Variants in ZNF704 observed in about 807,000 individuals in gnomAD.
ZNF704 encodes zinc finger protein 704.
A neutral mutation model predicts 44.7 loss-of-function variants in ZNF704; 10 were observed. That is an observed-to-expected ratio of 0.22 (90% CI 0.14 to 0.38). ZNF704 has a LOEUF of 0.38. Ranked by LOEUF, ZNF704 falls within the 10% of genes least tolerant of loss-of-function variation. The pLI is 1.00. For missense variants in ZNF704, 390 were observed against 545.5 expected, an observed-to-expected ratio of 0.71 and a Z score of 2.84; for synonymous variants, 211 against 207.6, an observed-to-expected ratio of 1.02 and a Z score of -0.14.
chr8:80,772,925 A>C (rs1807344391), intron 2 of ZNF704, among the ~76,000 whole-genome samples: 1 of 152,156 alleles, frequency 6.6e-6, no homozygotes, highest in Non-Finnish European at 1.5e-5. Context: ...GCTGTGTCCT[A>C]CAAATTTTGA....
intron 2 of ZNF704, among the ~76,000 whole-genome samples, chr8:80,753,656 C>A (rs1217762212): frequency 1.3e-5 from 2 of 152,162 alleles, no homozygotes; most frequent in African/African-American, 4.8e-5. Flanking sequence ...GTGTCCTACT[C>A]TCTAAGGGGA....
intron 2 of ZNF704, among the ~76,000 whole-genome samples, chr8:80,804,903 T>C (rs779972092): frequency 6.6e-6 from 1 of 152,066 alleles, no homozygotes; most frequent in Non-Finnish European, 1.5e-5. Flanking sequence ...TGGCTGAAAA[T>C]TTCATCATAG....
Position 80,778,919 on chromosome 8 carries a change from C to T in ZNF704, c.221+42455G>A, listed in dbSNP as rs564516230. Among the ~76,000 whole-genome samples, 5 of 152,062 alleles carry T rather than the reference C, an allele frequency of 3.3e-5. No individual in the cohort carries two copies. The East Asian group carries it at 9.7e-4, about 29-fold the overall frequency. ...TAACTATTGAGTACTAGGCTTAGTACCTAGGTGACAAAATAATCTGTACAA... is the reference window on the plus strand; with the variant it reads ...TAACTATTGAGTACTAGGCTTAGTATCTAGGTGACAAAATAATCTGTACAA... On this transcript the variant is annotated intron_variant, in intron 2 of 8. Transcript: ENST00000327835.
chr8:80,696,345 G>C (rs1485322821), intron 2 of ZNF704, among the ~76,000 whole-genome samples: 1 of 152,112 alleles, frequency 6.6e-6, no homozygotes, highest in Non-Finnish European at 1.5e-5. Context: ...CTTAAATTTG[G>C]AATTATTTAA....
chr8:80,726,654 C>G (rs1302637432), intron 2 of ZNF704, among the ~76,000 whole-genome samples: 2 of 151,780 alleles, frequency 1.3e-5, no homozygotes, highest in Non-Finnish European at 2.9e-5. Flanking sequence ...AATTACTGAA[C>G]TGGGATGATG....
At chr8:80,735,163 T>C (rs529296082) in intron 2 of ZNF704, among the ~76,000 whole-genome samples, 279 of 152,380 alleles carry the variant, frequency 1.8e-3, no homozygotes, top group Non-Finnish European at 2.7e-3. Context: ...CTCCACTTTA[T>C]ATAAGTTAGT....
chr8:80,846,401 T>TACACACACACAC (rs33922681), intron 1 of ZNF704, among the ~76,000 whole-genome samples: 1 of 148,398 alleles, frequency 6.7e-6, no homozygotes, highest in Non-Finnish European at 1.5e-5. Context: ...AGAGATTTCA[T>TACACACACACAC]ACACACACAC....
chr8:80,834,545 G>A (rs1808525927), intron 1 of ZNF704, among the ~76,000 whole-genome samples: 1 of 152,120 alleles, frequency 6.6e-6, no homozygotes, highest in African/African-American at 2.4e-5. Flanking sequence ...TTTAAGTTCT[G>A]GGATACATGT....
At position 80,664,900 on chromosome 8, in the gene ZNF704, G is replaced by C. The variant is rs778883188; in HGVS notation, c.842C>G (p.Ala281Gly). ...PDSSRTETPC[A>G]KTETKLMTPL... Reference sequence around the variant, plus strand: ...CGTCATCAACTTAGTCTCCGTTTTGGCACAAGGAGTTTCTGTTCGGCTTGA... The same window carrying C: ...CGTCATCAACTTAGTCTCCGTTTTGCCACAAGGAGTTTCTGTTCGGCTTGA... The change falls in exon 6 of 9, where the codon GCC becomes GGC. Residue 281 changes from alanine (A) to glycine (G), a missense_variant. By Grantham distance (60) the Ala-to-Gly change is moderately conservative. This residue lies in a region of ZNF704 where 305 missense variants were observed against 435.7 expected (regional missense o/e 0.70). Transcript: ENST00000327835. 1.2e-6 allele frequency: 2 copies of C among 1,614,170 alleles called. No individual in the cohort carries two copies. Among genetic ancestry groups the C allele is most frequent in the Admixed American group, 1.7e-5 (1 of 60,020 alleles).
intron 1 of ZNF704, among the ~76,000 whole-genome samples, chr8:80,828,936 T>C (rs1808423810): frequency 6.6e-6 from 1 of 152,160 alleles, no homozygotes; most frequent in South Asian, 2.1e-4. Flanking sequence ...AGCTCCATTC[T>C]CATCTTGGCC....
At chr8:80,847,792 T>A (rs763448386) in intron 1 of ZNF704, among the ~76,000 whole-genome samples, 7 of 152,182 alleles carry the variant, frequency 4.6e-5, no homozygotes, top group Non-Finnish European at 1.0e-4. Flanking sequence ...AAACCTCACA[T>A]GTTCTACAAA....
At chr8:80,822,276 C>T (rs550880071) in intron 1 of ZNF704, among the ~76,000 whole-genome samples, 3 of 151,532 alleles carry the variant, frequency 2.0e-5, no homozygotes, top group African/African-American at 7.3e-5. Flanking sequence ...CCCCCCCGCC[C>T]CCAACCCATG....
At chr8:80,797,934 A>AT (rs1807834265) in intron 2 of ZNF704, among the ~76,000 whole-genome samples, 1 of 151,992 alleles carries the variant, frequency 6.6e-6, no homozygotes, top group African/African-American at 2.4e-5. Flanking sequence ...ATTTTAAGTC[A>AT]ATTTTTCCCT....
rs142703119 is a variant in ZNF704 at position 80,862,856 on chromosome 8, T to C, written c.-22+11715A>G. ...GCTAAAAGCACACTTTCAGAGCCTC[T>C]TGAACACCCACCAGCCACTCATGTC... On this transcript the variant is annotated intron_variant, in intron 1 of 8. Transcript: ENST00000327835. 6.1e-4 allele frequency among the ~76,000 whole-genome samples: 92 copies of C among 151,938 alleles called. 1 individual carries two copies. The East Asian group carries it at 0.017, about 27-fold the overall frequency.
At chr8:80,652,525 G>A (rs895649643) in intron 7 of ZNF704, among the ~76,000 whole-genome samples, 4 of 152,100 alleles carry the variant, frequency 2.6e-5, no homozygotes, top group African/African-American at 9.7e-5. Flanking sequence ...TACCATCAGA[G>A]AATACTATAA....
chr8:80,826,217 T>C (rs58640695), intron 1 of ZNF704, among the ~76,000 whole-genome samples: 3,155 of 152,066 alleles, frequency 0.021, 101 homozygotes, highest in African/African-American at 0.069. Context: ...AAGAATCAAA[T>C]AGACACAATA....
chr8:80,691,281 C>T (rs1329819199), intron 3 of ZNF704, among the ~76,000 whole-genome samples: 1 of 152,172 alleles, frequency 6.6e-6, no homozygotes, highest in Non-Finnish European at 1.5e-5. Context: ...TTTCATTGAT[C>T]CTAAGTCTCA....
intron 2 of ZNF704, among the ~76,000 whole-genome samples, chr8:80,763,833 GAT>G (rs1479295924): frequency 5.3e-5 from 8 of 152,126 alleles, no homozygotes; most frequent in African/African-American, 1.9e-4. Context: ...TCTTCCACCA[GAT>G]ACCCTAAATC....
chr8:80,882,162 T>C, the ZNF704 span, among the ~76,000 whole-genome samples: 1 of 152,216 alleles, frequency 6.6e-6, no homozygotes, highest in Non-Finnish European at 1.5e-5. Context: ...GTTGGTCAAA[T>C]AGCATGCACA....
Sources: gnomAD v4.1 joint callset for allele counts (sites outside exome capture counted in the v4.1 genomes callset) on GRCh38, gnomAD v4.1.1 for gene constraint, gnomAD v4.1.1 regional missense constraint, MANE v1.5 for transcripts, NCBI Gene and HGNC (gene_info 2026-07-23, HGNC 2026-07-21) for gene names.